AK8: variants seen among roughly 807,000 people sequenced by gnomAD.
The protein encoded by AK8 is ATP-AMP transphosphorylase 8.
AK8 carries 44 observed loss-of-function variants against 54.6 expected under a neutral mutation model. The ratio of observed to expected loss-of-function variants is 0.81; its 90% confidence interval spans 0.63 to 1.04. The LOEUF is 1.04. Among genes scored for constraint, AK8 ranks in the 50% least tolerant of loss-of-function variants. The pLI, the probability that AK8 is intolerant of heterozygous loss-of-function variation, is 0.00. For missense variants in AK8, 555 were observed against 613.6 expected (o/e 0.90, Z 1.01); for synonymous variants, 239 against 245.6 (o/e 0.97, Z 0.25).
intron 11 of AK8, among the ~76,000 whole-genome samples, chr9:132,737,833 A>C (rs1253079280): frequency 6.6e-6 from 1 of 152,222 alleles, no homozygotes; most frequent in African/African-American, 2.4e-5. Flanking sequence ...GTCCACTCTC[A>C]CTTCTACTAG....
intron 7 of AK8, chr9:132,827,705 A>G: frequency 5.1e-6 from 2 of 389,488 alleles, no homozygotes; most frequent in South Asian, 4.5e-5. Context: ...TCCCAGGGAG[A>G]GGCAGACATG....
In AK8 at chr9:132,725,664, G is replaced by A; in HGVS notation, c.*24C>T. 3 of 1,545,208 alleles carry A rather than the reference G, an allele frequency of 1.9e-6. No individual in the cohort carries two copies. The highest frequency in any genetic ancestry group is 1.2e-5 in the South Asian group (1 of 84,732). On this transcript the variant is annotated 3_prime_UTR_variant, in exon 13 of 13. Transcript: ENST00000298545. Reference sequence around the variant, plus strand: ...GCAGGGGATTAACTCTTTCCCTGGGGCAGCGCTCCTGGCTCTGAACCCATC... The same window carrying A: ...GCAGGGGATTAACTCTTTCCCTGGGACAGCGCTCCTGGCTCTGAACCCATC...
At position 132,876,001 on chromosome 9, in the gene AK8, G is replaced by A. The variant is rs946422851; in HGVS notation, c.85-802C>T. ...TTCTGGGGTTGCAGAACCCTAGGCAGAGAAATGAGGAGGAGCTCATAGCAG... is the reference window on the plus strand; with the variant it reads ...TTCTGGGGTTGCAGAACCCTAGGCAAAGAAATGAGGAGGAGCTCATAGCAG... On this transcript the variant is annotated intron_variant, in intron 1 of 12. Transcript: ENST00000298545. 3.3e-5 allele frequency among the ~76,000 whole-genome samples: 5 copies of A among 152,244 alleles called. 1 individual carries two copies. The highest frequency in any genetic ancestry group is 3.3e-4 in the Admixed American group (5 of 15,292).
chr9:132,875,023 G>T, intron 2 of AK8, 92 bp downstream of exon 2: 1 of 1,483,656 alleles, frequency 6.7e-7, no homozygotes, highest in Non-Finnish European at 9.3e-7. Flanking sequence ...TGGAGAGGAA[G>T]AGGAGGAGGA....
intron 4 of AK8, among the ~76,000 whole-genome samples, chr9:132,862,624 C>T (rs1199678124): frequency 6.6e-6 from 1 of 152,276 alleles, no homozygotes; most frequent in South Asian, 2.1e-4. Flanking sequence ...TCATTGCACC[C>T]AGCCCATCCA....
intron 4 of AK8, among the ~76,000 whole-genome samples, chr9:132,855,977 T>C (rs1430276866): frequency 1.3e-5 from 2 of 152,066 alleles, no homozygotes; most frequent in African/African-American, 2.4e-5. Context: ...ATTCAGAGTG[T>C]TGGCCCTTTT....
intron 11 of AK8, among the ~76,000 whole-genome samples, chr9:132,755,758 C>A (rs1838157403): frequency 6.9e-6 from 1 of 145,506 alleles, no homozygotes; most frequent in East Asian, 2.1e-4. Context: ...TGACTGGCTC[C>A]AACTCTCAGA....
rs906143331 is a variant in AK8 at position 132,781,060 on chromosome 9, G to T, written c.1121+11574C>A. Among the ~76,000 whole-genome samples, 3 of 152,140 alleles carry T rather than the reference G, an allele frequency of 2.0e-5. No homozygotes were observed. The highest frequency in any genetic ancestry group is 4.4e-5 in the Non-Finnish European group (3 of 68,020). On this transcript the variant is annotated intron_variant, in intron 11 of 12. Coordinates refer to ENST00000298545, the MANE Select transcript of AK8 (RefSeq NM_152572.3). The surrounding 1 kb of genome is among the most constrained non-coding windows in gnomAD (Gnocchi z 4.6). ...TCTGTAGTAAGCATTAATTTTAAAAGAAAATACTGTGCTACAAGCTTGCAG... is the reference window on the plus strand; with the variant it reads ...TCTGTAGTAAGCATTAATTTTAAAATAAAATACTGTGCTACAAGCTTGCAG...
chr9:132,802,258 C>G (rs528829820), intron 10 of AK8, among the ~76,000 whole-genome samples: 1 of 152,242 alleles, frequency 6.6e-6, no homozygotes, highest in Non-Finnish European at 1.5e-5. Flanking sequence ...CAAGCCTTCC[C>G]CGGTGTGGTG....
intron 5 of AK8, among the ~76,000 whole-genome samples, chr9:132,845,205 C>T (rs1176386690): frequency 6.6e-6 from 1 of 152,140 alleles, no homozygotes; most frequent in Non-Finnish European, 1.5e-5. Context: ...ACTACAGCTA[C>T]CACCATCATC....
intron 11 of AK8, among the ~76,000 whole-genome samples, chr9:132,763,847 C>A (rs948140472): frequency 6.6e-6 from 1 of 152,160 alleles, no homozygotes; most frequent in Non-Finnish European, 1.5e-5. Context: ...CCAAAGCCTA[C>A]AGGGTACAGC....
At chr9:132,875,261 A>G (rs1844042923) in intron 1 of AK8, 62 bp from the exon 2 acceptor site, 1 of 1,594,980 alleles carries the variant, frequency 6.3e-7, no homozygotes, top group Non-Finnish European at 8.5e-7. Context: ...GTCACCACAG[A>G]TACCAGCTAT....
At chr9:132,821,021 A>AG (rs1329498319) in intron 9 of AK8, among the ~76,000 whole-genome samples, 1 of 152,164 alleles carries the variant, frequency 6.6e-6, no homozygotes, top group African/African-American at 2.4e-5. Flanking sequence ...CATGGCTCTT[A>AG]GGTAACAAGC....
Position 132,863,788 on chromosome 9 carries a change from G to A in AK8, c.220-10C>T. Reference sequence around the variant, plus strand: ...TGCAGAGCCACATTGCCTGAAGAAAGGAAAGAAGAAAAGGGCATTTTCATA... The same window carrying A: ...TGCAGAGCCACATTGCCTGAAGAAAAGAAAGAAGAAAAGGGCATTTTCATA... On this transcript the variant is annotated splice_polypyrimidine_tract_variant and intron_variant, in intron 3 of 12. Transcript: ENST00000298545. 1 of 1,596,746 alleles carries A rather than the reference G, an allele frequency of 6.3e-7. No homozygotes were observed. The highest frequency in any genetic ancestry group is 8.6e-7 in the Non-Finnish European group (1 of 1,166,606).
Position 132,826,294 on chromosome 9 carries a change from A to G in AK8, c.757+560T>C, listed in dbSNP as rs1360206286. Among the ~76,000 whole-genome samples the G allele has an allele frequency of 6.6e-6, 1 of 152,180 alleles. No homozygotes were observed. The highest frequency in any genetic ancestry group is 2.4e-5 in the African/African-American group (1 of 41,452). On this transcript the variant is annotated intron_variant, in intron 8 of 12. Coordinates refer to ENST00000298545, the MANE Select transcript of AK8 (RefSeq NM_152572.3). This position sits in a 1 kb window ranked among gnomAD's most constrained non-coding sequence, Gnocchi z 4.5. ...TTTGAACAGGTTGCTCAGCTCAGCC[A>G]TCCCCGCACCTCGCACAGGCTGCCC...
chr9:132,796,087 TG>T (rs1840158106), intron 10 of AK8, among the ~76,000 whole-genome samples: 1 of 152,168 alleles, frequency 6.6e-6, no homozygotes, highest in South Asian at 2.1e-4. Flanking sequence ...GTTAGGAAAC[TG>T]AAGCCCAAAG....
At chr9:132,760,831 T>C (rs115671659) in intron 11 of AK8, among the ~76,000 whole-genome samples, 1,751 of 150,334 alleles carry the variant, frequency 0.012, 35 homozygotes, top group African/African-American at 0.042. Flanking sequence ...TTGAAATAGC[T>C]ATATCTCTTT....
intron 11 of AK8, among the ~76,000 whole-genome samples, chr9:132,758,327 C>G (rs541270995): frequency 6.6e-6 from 1 of 152,354 alleles, no homozygotes; most frequent in South Asian, 2.1e-4. Flanking sequence ...GCAGGGCTTC[C>G]TACTCATCCA....
At chr9:132,742,750 A>G (rs752433239) in intron 11 of AK8, among the ~76,000 whole-genome samples, 1 of 152,218 alleles carries the variant, frequency 6.6e-6, no homozygotes, top group Non-Finnish European at 1.5e-5. Flanking sequence ...AAGACACTTA[A>G]TATGTAATAA....
Sources: gnomAD v4.1 joint callset for allele counts (sites outside exome capture counted in the v4.1 genomes callset) on GRCh38, gnomAD v4.1.1 for gene constraint, Gnocchi (gnomAD v3.1) non-coding constraint, MANE v1.5 for transcripts, NCBI Gene and HGNC (gene_info 2026-07-23, HGNC 2026-07-21) for gene names.